The following HLCS variants were observed in gnomAD, a reference collection of about 807,000 sequenced individuals.
The protein encoded by HLCS is holocarboxylase synthetase.
In HLCS, 53 loss-of-function variants were observed where a neutral mutation model predicts 75.0. The observed-to-expected ratio is 0.71, with a 90% CI of 0.57 to 0.89. The LOEUF is 0.89. HLCS is among the 40% of genes least tolerant of loss of function. The pLI is 0.00. For synonymous variants in HLCS, 431 were observed against 428.6 expected (o/e 1.01, Z -0.07); for missense variants, 966 against 1,074.0 (o/e 0.90, Z 1.41).
chr21:36,898,286 A>C (rs1207829944), intron 5 of HLCS, among the ~76,000 whole-genome samples: 1 of 151,940 alleles, frequency 6.6e-6, no homozygotes, highest in Admixed American at 6.6e-5. Context: ...TCTCTACTAA[A>C]AATACAAAAA....
At chr21:36,958,712 C>A (rs2068108414) in intron 2 of HLCS, among the ~76,000 whole-genome samples, 1 of 151,760 alleles carries the variant, frequency 6.6e-6, no homozygotes, top group African/African-American at 2.4e-5. Flanking sequence ...TTGCTTGAAC[C>A]CGGGAGGTGG....
At chr21:36,903,785 T>C (rs1601689498) in intron 5 of HLCS, among the ~76,000 whole-genome samples, 1 of 152,282 alleles carries the variant, frequency 6.6e-6, no homozygotes, top group East Asian at 1.9e-4. Flanking sequence ...GATATTGCTA[T>C]AGTTTGAATC....
At chr21:36,969,842 G>C (rs906198872), upstream of HLCS, among the ~76,000 whole-genome samples, 1 of 152,072 alleles carries the variant, frequency 6.6e-6, no homozygotes, top group Non-Finnish European at 1.5e-5. Flanking sequence ...CAACGTGCTG[G>C]GATTACAGGC....
intron 6 of HLCS, among the ~76,000 whole-genome samples, chr21:36,826,270 G>A (rs188593999): frequency 6.6e-6 from 1 of 152,298 alleles, no homozygotes; most frequent in African/African-American, 2.4e-5. Context: ...TTCGGTGGCT[G>A]TTTTCTAGGA....
chr21:36,810,311 C>T (rs2061475724), intron 6 of HLCS, among the ~76,000 whole-genome samples: 1 of 152,172 alleles, frequency 6.6e-6, no homozygotes, highest in Non-Finnish European at 1.5e-5. Context: ...AAACTCTGAC[C>T]CTTTCGGCAG....
intron 6 of HLCS, among the ~76,000 whole-genome samples, chr21:36,769,670 G>A (rs2090164139): frequency 6.6e-6 from 1 of 152,186 alleles, no homozygotes; most frequent in East Asian, 1.9e-4. Flanking sequence ...CTCTTGTGTT[G>A]AGTCTGAAAC....
intron 6 of HLCS, among the ~76,000 whole-genome samples, chr21:36,888,892 A>G (rs969904149): frequency 2.0e-5 from 3 of 152,128 alleles, no homozygotes; most frequent in African/African-American, 7.2e-5. Flanking sequence ...ACACACAGTA[A>G]CTGCAAAAAC....
At chr21:36,860,788 A>T (rs1023891840) in intron 6 of HLCS, among the ~76,000 whole-genome samples, 5 of 152,234 alleles carry the variant, frequency 3.3e-5, no homozygotes, top group African/African-American at 9.6e-5. Context: ...AGGGTAATAA[A>T]TGTTTCCCAG....
chr21:36,876,284 G>C (rs1025284631), intron 6 of HLCS, among the ~76,000 whole-genome samples: 4 of 152,148 alleles, frequency 2.6e-5, no homozygotes, highest in Admixed American at 2.6e-4. Context: ...AGAGGTTTCT[G>C]GCTGGAAAAG....
chr21:36,875,253 G>A (rs2063923025), intron 6 of HLCS, among the ~76,000 whole-genome samples: 1 of 152,154 alleles, frequency 6.6e-6, no homozygotes, highest in African/African-American at 2.4e-5. Flanking sequence ...CCTGAAGCCT[G>A]GGCTCCAGGC....
intron 1 of HLCS, among the ~76,000 whole-genome samples, chr21:36,962,667 C>T (rs2068365583): frequency 6.6e-6 from 1 of 151,792 alleles, no homozygotes; most frequent in African/African-American, 2.4e-5. Context: ...GGGGTGGGTG[C>T]CTGTAGTCCC....
intron 5 of HLCS, among the ~76,000 whole-genome samples, chr21:36,914,278 T>C (rs2065838355): frequency 6.6e-6 from 1 of 152,142 alleles, no homozygotes; most frequent in Non-Finnish European, 1.5e-5. Flanking sequence ...AGCAACAACA[T>C]GAACTTCTAC....
Position 36,775,545 on chromosome 21 carries a change from T to C in HLCS, c.1893-8260A>G, listed in dbSNP as rs530321174. Among the ~76,000 whole-genome samples the C allele has an allele frequency of 2.1e-3, 323 of 152,366 alleles. 1 individual carries two copies. The highest frequency in any genetic ancestry group is 1.9e-3 in the East Asian group (10 of 5,186). On this transcript the variant is annotated intron_variant, in intron 6 of 10. Coordinates refer to ENST00000674895, the MANE Select transcript of HLCS (RefSeq NM_001352514.2). ...GGCTGTACCTCAGCGGTAGCCCTGA[T>C]GGCAGATCCCTGCCTCTGACGGCGA...
At chr21:36,924,244 A>G (rs1407097877) in intron 5 of HLCS, among the ~76,000 whole-genome samples, 1 of 152,228 alleles carries the variant, frequency 6.6e-6, no homozygotes, top group African/African-American at 2.4e-5. Flanking sequence ...TTTTTAGTGG[A>G]GAATTCTAAT....
chr21:36,898,446 C>CAAAA (rs58625493), intron 5 of HLCS, among the ~76,000 whole-genome samples: 532 of 49,478 alleles, frequency 0.011, 24 homozygotes, highest in African/African-American at 0.036. Context: ...AACTCCATCT[C>CAAAA]AAAAAAAAAA....
intron 6 of HLCS, among the ~76,000 whole-genome samples, chr21:36,810,049 T>C (rs1398638377): frequency 3.9e-5 from 6 of 152,204 alleles, no homozygotes; most frequent in African/African-American, 9.6e-5. Context: ...AGCCATTTAG[T>C]ATAGTTATAA....
chr21:36,964,428 C>T (rs1569258686), intron 1 of HLCS, among the ~76,000 whole-genome samples: 2 of 152,232 alleles, frequency 1.3e-5, no homozygotes, highest in Non-Finnish European at 2.9e-5. Flanking sequence ...TTAAACCCAA[C>T]AACTATTAAA....
chr21:36,766,072 C>T (rs1312601900), intron 7 of HLCS, among the ~76,000 whole-genome samples: 3 of 152,144 alleles, frequency 2.0e-5, no homozygotes, highest in African/African-American at 7.2e-5. Context: ...CAGGGTCTTG[C>T]TCTGTTGCCT....
upstream of HLCS, among the ~76,000 whole-genome samples, chr21:36,967,259 C>T (rs1408867123): frequency 2.6e-5 from 4 of 152,120 alleles, no homozygotes; most frequent in East Asian, 3.9e-4. Context: ...TTAAATTATA[C>T]TAAGCCTTCA....
Sources: gnomAD v4.1 joint callset for allele counts (sites outside exome capture counted in the v4.1 genomes callset) on GRCh38, gnomAD v4.1.1 for gene constraint, MANE v1.5 for transcripts, NCBI Gene and HGNC (gene_info 2026-07-23, HGNC 2026-07-21) for gene names.